The following THADA variants were observed in gnomAD, a reference collection of about 807,000 sequenced individuals.
THADA encodes THADA armadillo repeat containing.
A neutral mutation model predicts 219.8 loss-of-function variants in THADA; 213 were observed. The ratio of observed to expected loss-of-function variants is 0.97; its 90% confidence interval spans 0.87 to 1.09. THADA has a LOEUF of 1.09. Ranked by LOEUF, THADA falls within the 50% of genes least tolerant of loss-of-function variation. The pLI is 0.00. For synonymous variants in THADA, 1,018 were observed against 828.9 expected, an observed-to-expected ratio of 1.23 and a Z score of -3.92; for missense variants, 2,956 against 2,311.3, an observed-to-expected ratio of 1.28 and a Z score of -5.72.
chr2:43,592,427 G>GA lies in THADA; in HGVS notation c.-24-12dup. On this transcript the variant is annotated splice_polypyrimidine_tract_variant and intron_variant, in intron 1 of 37. Coordinates refer to ENST00000405975, the MANE Select transcript of THADA (RefSeq NM_022065.5). ...AATTAATAGTAGTCACTGCAAGAAA[G>GA]AAGACTTTAAGGCATTAATGTAAGG... 1.4e-6 allele frequency: 2 copies of GA among 1,476,488 alleles called. No homozygotes were observed. The highest frequency in any genetic ancestry group is 4.0e-5 in the Admixed American group (2 of 50,456). The allele number at this position is 1,476,488 out of a possible 1,614,324, so 91.5% of individuals were successfully genotyped here. A position where few individuals can be genotyped will look rare whatever the true frequency, so the allele number is the denominator to read the frequency against.
At chr2:43,267,470 T>C (rs1462338698) in intron 36 of THADA, among the ~76,000 whole-genome samples, 1 of 152,194 alleles carries the variant, frequency 6.6e-6, no homozygotes, top group African/African-American at 2.4e-5. Context: ...CAAAACCCAG[T>C]CTTTCCCCCT....
At chr2:43,313,882 G>A (rs1677785426) in intron 31 of THADA, among the ~76,000 whole-genome samples, 1 of 152,250 alleles carries the variant, frequency 6.6e-6, no homozygotes, top group Non-Finnish European at 1.5e-5. Context: ...AGGGCAGCTG[G>A]AGAGCTCAGG....
chr2:43,577,147 C>T lies in THADA; in HGVS notation c.912G>A (p.Gln304=). The change falls in exon 10 of 38, where the codon CAG becomes CAA. Residue 304 remains glutamine (Q), a synonymous_variant. Coordinates refer to ENST00000405975, the MANE Select transcript of THADA (RefSeq NM_022065.5). ...CCTGACAGAGGAATAAGACAGCTGA[C>T]TGAGAGATGTCACCACAACAGAGGC... The part of the protein sequence containing the change: ...CRSLCCGDIS[Q]SAVLFLCQGT... 1 of 1,611,246 alleles carries T rather than the reference C, an allele frequency of 6.2e-7. No individual in the cohort carries two copies. Among genetic ancestry groups the T allele is most frequent in the Non-Finnish European group, 8.5e-7 (1 of 1,178,858 alleles).
In THADA at chr2:43,255,466, C is replaced by A. The variant is rs144124464; in HGVS notation, c.5297-22584G>T. Among the ~76,000 whole-genome samples, 127 of 152,264 alleles carry A rather than the reference C, an allele frequency of 8.3e-4. 1 individual carries two copies. The highest frequency in any genetic ancestry group is 3.0e-3 in the African/African-American group (125 of 41,572). On this transcript the variant is annotated intron_variant, in intron 36 of 37. Transcript: ENST00000405975. ...CTTCTTTCCCTGACATGAATTTCCA[C>A]GGGTGTGGCTGACTTTCATTGTTTT...
chr2:43,464,969 G>C (rs1339191930), intron 26 of THADA, among the ~76,000 whole-genome samples: 1 of 152,084 alleles, frequency 6.6e-6, no homozygotes, highest in Non-Finnish European at 1.5e-5. Flanking sequence ...AAAAAACCCT[G>C]CCGGCAAAGA....
At chr2:43,344,759 G>GTTTTTTTTTTTTTTTTTT (rs1242915350) in intron 29 of THADA, among the ~76,000 whole-genome samples, 1 of 149,322 alleles carries the variant, frequency 6.7e-6, no homozygotes. Flanking sequence ...ACTATTTAGG[G>GTTTTTTTTTTTTTTTTTT]TTTTTTTTGT....
intron 26 of THADA, among the ~76,000 whole-genome samples, chr2:43,446,131 A>G (rs1056437883): frequency 1.3e-5 from 2 of 152,220 alleles, no homozygotes; most frequent in Admixed American, 1.3e-4. Context: ...TTAACTAGGA[A>G]TTCTTTTTTA....
chr2:43,529,692 C>G (rs764086554), intron 21 of THADA, among the ~76,000 whole-genome samples: 2 of 152,130 alleles, frequency 1.3e-5, no homozygotes, highest in African/African-American at 2.4e-5. Flanking sequence ...TCTCTTGATC[C>G]AGGTCTCCCC....
At chr2:43,385,596 G>C (rs1672569309) in intron 29 of THADA, among the ~76,000 whole-genome samples, 1 of 116,898 alleles carries the variant, frequency 8.6e-6, no homozygotes. Flanking sequence ...AACAGAGCGA[G>C]ACTCCGTCTC....
intron 29 of THADA, among the ~76,000 whole-genome samples, chr2:43,368,590 G>A (rs1670441968): frequency 6.6e-6 from 1 of 151,634 alleles, no homozygotes. Context: ...TGGAGACAGG[G>A]TCTCACTATG....
intron 8 of THADA, among the ~76,000 whole-genome samples, chr2:43,579,582 C>A (rs76269644): frequency 0.017 from 2,643 of 152,296 alleles, 82 homozygotes; most frequent in African/African-American, 0.061. Flanking sequence ...GGGGAAGCCA[C>A]ATGCCCAGCC....
chr2:43,476,230 C>T (rs1408838260), intron 26 of THADA, among the ~76,000 whole-genome samples: 1 of 152,126 alleles, frequency 6.6e-6, no homozygotes, highest in Admixed American at 6.5e-5. Flanking sequence ...GGAACATAAA[C>T]AGGAGGAAAT....
intron 26 of THADA, among the ~76,000 whole-genome samples, chr2:43,443,965 C>A (rs1270665301): frequency 6.6e-6 from 1 of 151,946 alleles, no homozygotes; most frequent in Admixed American, 6.5e-5. Context: ...GAGCCCACAG[C>A]CAGGGCCTGG....
intron 35 of THADA, among the ~76,000 whole-genome samples, chr2:43,284,771 A>C (rs1176153739): frequency 6.6e-6 from 1 of 152,168 alleles, no homozygotes; most frequent in Non-Finnish European, 1.5e-5. Context: ...CAGGCACTCA[A>C]CACCACCCTG....
At chr2:43,419,155 G>T (rs1346927899) in intron 28 of THADA, among the ~76,000 whole-genome samples, 1 of 152,196 alleles carries the variant, frequency 6.6e-6, no homozygotes, top group African/African-American at 2.4e-5. Context: ...AGGGGTGTTG[G>T]GTTGGGCAAG....
At chr2:43,557,419 C>G (rs537824100) in intron 16 of THADA, among the ~76,000 whole-genome samples, 2 of 152,306 alleles carry the variant, frequency 1.3e-5, no homozygotes, top group South Asian at 4.1e-4. Flanking sequence ...GCCCTTCTCC[C>G]TTCCTCCTTC....
chr2:43,273,341 G>A (rs944510746), intron 36 of THADA, among the ~76,000 whole-genome samples: 2 of 152,094 alleles, frequency 1.3e-5, no homozygotes, highest in Admixed American at 1.3e-4. Flanking sequence ...AGGAATTTAG[G>A]CCAGGCTTGG....
chr2:43,313,479 A>C (rs1275967522), intron 31 of THADA, among the ~76,000 whole-genome samples: 2 of 152,264 alleles, frequency 1.3e-5, no homozygotes, highest in African/African-American at 4.8e-5. Flanking sequence ...ACTAACAAAG[A>C]AACCACAAAA....
intron 26 of THADA, among the ~76,000 whole-genome samples, chr2:43,461,798 T>C (rs1481311796): frequency 1.3e-5 from 2 of 152,262 alleles, no homozygotes; most frequent in African/African-American, 4.8e-5. Context: ...TACCCTGCAC[T>C]ACTGCTTTCA....
Sources: gnomAD v4.1 joint callset for allele counts (sites outside exome capture counted in the v4.1 genomes callset) on GRCh38, gnomAD v4.1.1 for gene constraint, MANE v1.5 for transcripts, NCBI Gene and HGNC (gene_info 2026-07-23, HGNC 2026-07-21) for gene names.